The following FAF1 variants were observed in gnomAD, a reference collection of about 807,000 sequenced individuals.
FAF1 encodes the protein FAS-associated factor 1.
A neutral mutation model predicts 92.5 loss-of-function variants in FAF1; 25 were observed. The observed-to-expected ratio is 0.27, with a 90% CI of 0.20 to 0.38. The LOEUF (loss-of-function observed/expected upper bound fraction) is 0.38. FAF1 is among the 10% of genes least tolerant of loss of function. The pLI, the probability that FAF1 is intolerant of heterozygous loss-of-function variation, is 1.00. For synonymous variants in FAF1, 234 were observed against 273.2 expected, an observed-to-expected ratio of 0.86 and a Z score of 1.42; for missense variants, 636 against 793.3, an observed-to-expected ratio of 0.80 and a Z score of 2.38.
intron 1 of FAF1, among the ~76,000 whole-genome samples, chr1:50,885,858 T>G (rs1359195567): frequency 6.6e-6 from 1 of 152,154 alleles, no homozygotes; most frequent in Non-Finnish European, 1.5e-5. Context: ...TTCTGTATGT[T>G]TTTATATTGG....
chr1:50,559,614 A>G (rs1649774371), intron 13 of FAF1, among the ~76,000 whole-genome samples: 1 of 152,200 alleles, frequency 6.6e-6, no homozygotes, highest in Admixed American at 6.5e-5. Flanking sequence ...CAGAACGCAA[A>G]CCTTGAGTTA....
intron 18 of FAF1, among the ~76,000 whole-genome samples, chr1:50,472,803 T>G (rs572531994): frequency 1.3e-5 from 2 of 152,336 alleles, no homozygotes; most frequent in African/African-American, 4.8e-5. Flanking sequence ...TTAAGATGAC[T>G]TTTACAAATT....
chr1:50,588,761 T>A (rs556893524), intron 9 of FAF1, among the ~76,000 whole-genome samples: 67 of 152,342 alleles, frequency 4.4e-4, no homozygotes, highest in Middle Eastern at 3.4e-3. Flanking sequence ...TGTGCCTCTG[T>A]GTCCAGCAAC....
intron 5 of FAF1, among the ~76,000 whole-genome samples, chr1:50,743,154 C>T (rs1185880984): frequency 1.3e-5 from 2 of 152,242 alleles, no homozygotes; most frequent in African/African-American, 4.8e-5. Flanking sequence ...CTAATCTAAA[C>T]TTATCTGTAT....
At position 50,876,602 on chromosome 1, in the gene FAF1, T is replaced by C. The variant is rs368513570; in HGVS notation, c.46-18605A>G. Among the ~76,000 whole-genome samples, 28 of 152,308 alleles carry C rather than the reference T, an allele frequency of 1.8e-4. No homozygotes were observed. In the South Asian group the frequency reaches 4.6e-3, roughly 25 times the overall value. ...ATTTGTTTTTTTGTTTTGTTTTGTTTTGAGATGGAGTCTCACTCTGTCACC... is the reference window on the plus strand; with the variant it reads ...ATTTGTTTTTTTGTTTTGTTTTGTTCTGAGATGGAGTCTCACTCTGTCACC... On this transcript the variant is annotated intron_variant, in intron 1 of 18. Coordinates refer to ENST00000396153, the MANE Select transcript of FAF1 (RefSeq NM_007051.3).
At chr1:50,891,201 T>G (rs1644716943) in intron 1 of FAF1, among the ~76,000 whole-genome samples, 1 of 152,232 alleles carries the variant, frequency 6.6e-6, no homozygotes, top group African/African-American at 2.4e-5. Flanking sequence ...GCCACGGTTT[T>G]CAGTTCCATC....
chr1:50,681,957 C>T (rs1405910273), intron 7 of FAF1, among the ~76,000 whole-genome samples: 1 of 152,028 alleles, frequency 6.6e-6, no homozygotes, highest in Non-Finnish European at 1.5e-5. Flanking sequence ...CCTCAGCCCC[C>T]TGGGTAGCTG....
chr1:50,541,228 G>A (rs1158918429), intron 13 of FAF1, among the ~76,000 whole-genome samples: 1 of 152,164 alleles, frequency 6.6e-6, no homozygotes, highest in Non-Finnish European at 1.5e-5. Context: ...GCTGCTAAGG[G>A]CCACTAGAAC....
intron 18 of FAF1, among the ~76,000 whole-genome samples, chr1:50,473,082 A>G (rs949038784): frequency 2.0e-5 from 3 of 152,178 alleles, no homozygotes; most frequent in Non-Finnish European, 4.4e-5. Flanking sequence ...TTAACATTCA[A>G]CAACAGTTAC....
intron 7 of FAF1, among the ~76,000 whole-genome samples, chr1:50,667,081 A>G (rs1234762566): frequency 2.6e-5 from 4 of 152,230 alleles, no homozygotes; most frequent in Non-Finnish European, 5.9e-5. Context: ...TTATTGTTTC[A>G]ACAATTGAAT....
chr1:50,864,700 T>G (rs1428997827), intron 1 of FAF1, among the ~76,000 whole-genome samples: 1 of 152,006 alleles, frequency 6.6e-6, no homozygotes, highest in Non-Finnish European at 1.5e-5. Context: ...CAAGATGGAT[T>G]AAAGACTTAA....
intron 7 of FAF1, among the ~76,000 whole-genome samples, chr1:50,703,087 A>G (rs1224460767): frequency 2.6e-5 from 4 of 151,938 alleles, no homozygotes; most frequent in African/African-American, 7.2e-5. Context: ...TCCCTCAATT[A>G]TATTAGTCAG....
chr1:50,639,661 C>T (rs989448330), intron 8 of FAF1, among the ~76,000 whole-genome samples: 1 of 151,742 alleles, frequency 6.6e-6, no homozygotes, highest in African/African-American at 2.4e-5. Flanking sequence ...TTTGGCTGGG[C>T]GCGGTGGCTA....
intron 1 of FAF1, among the ~76,000 whole-genome samples, chr1:50,933,891 C>T (rs995219946): frequency 3.9e-5 from 6 of 152,120 alleles, no homozygotes; most frequent in Non-Finnish European, 7.4e-5. Context: ...CTGATAAACC[C>T]ATCAGATCTT....
chr1:50,924,149 A>T (rs1045101745), intron 1 of FAF1, among the ~76,000 whole-genome samples: 3 of 152,196 alleles, frequency 2.0e-5, no homozygotes. Flanking sequence ...AGACGACATG[A>T]TCTTACATAT....
intron 7 of FAF1, among the ~76,000 whole-genome samples, chr1:50,682,947 T>C (rs1656489472): frequency 6.6e-6 from 1 of 151,580 alleles, no homozygotes; most frequent in South Asian, 2.1e-4. Flanking sequence ...AAAAATTAGC[T>C]GCTTGAACCT....
At chr1:50,473,974 C>A (rs533211920) in intron 18 of FAF1, among the ~76,000 whole-genome samples, 1 of 152,288 alleles carries the variant, frequency 6.6e-6, no homozygotes, top group East Asian at 1.9e-4. Context: ...AAGTCCAAGT[C>A]CCATTCCATA....
At chr1:50,681,219 G>C (rs956769291) in intron 7 of FAF1, among the ~76,000 whole-genome samples, 1 of 151,896 alleles carries the variant, frequency 6.6e-6, no homozygotes, top group African/African-American at 2.4e-5. Flanking sequence ...GCTAATTTTT[G>C]TATTTTTAGT....
intron 7 of FAF1, among the ~76,000 whole-genome samples, chr1:50,667,392 T>C (rs1655685989): frequency 6.6e-6 from 1 of 152,212 alleles, no homozygotes; most frequent in African/African-American, 2.4e-5. Flanking sequence ...TTATGCCCTA[T>C]CCTGTTATTC....
Sources: gnomAD v4.1 joint callset for allele counts (sites outside exome capture counted in the v4.1 genomes callset) on GRCh38, gnomAD v4.1.1 for gene constraint, MANE v1.5 for transcripts, NCBI Gene and HGNC (gene_info 2026-07-23, HGNC 2026-07-21) for gene names.